The following DGKB variants were observed in gnomAD, a reference collection of about 807,000 sequenced individuals.
DGKB encodes the protein 90 kDa diacylglycerol kinase.
A neutral mutation model predicts 114.3 loss-of-function variants in DGKB; 67 were observed. That is an observed-to-expected ratio of 0.59 (90% CI 0.48 to 0.72). The LOEUF is 0.72. DGKB is among the 30% of genes least tolerant of loss of function. DGKB has a pLI of 0.00. For missense variants in DGKB, 907 were observed against 975.2 expected (o/e 0.93, Z 0.93); for synonymous variants, 398 against 323.1 (o/e 1.23, Z -2.49).
At chr7:14,180,772 CAGAG>C (rs1156378028) in intron 23 of DGKB, among the ~76,000 whole-genome samples, 4 of 152,162 alleles carry the variant, frequency 2.6e-5, no homozygotes, top group Non-Finnish European at 5.9e-5. Flanking sequence ...TGATTTCAGA[CAGAG>C]AGAGTTTCTA....
At chr7:14,636,629 A>G (rs1194877289) in intron 13 of DGKB, among the ~76,000 whole-genome samples, 2 of 151,972 alleles carry the variant, frequency 1.3e-5, no homozygotes, top group East Asian at 3.9e-4. Flanking sequence ...ATCTTTAAGA[A>G]TTGGGTAGGA....
intron 1 of DGKB, among the ~76,000 whole-genome samples, chr7:14,966,909 A>T (rs1787188220): frequency 6.6e-6 from 1 of 152,182 alleles, no homozygotes; most frequent in Admixed American, 6.6e-5. Flanking sequence ...ATAATGCAAG[A>T]TGCTTAATAT....
At chr7:14,711,128 A>G (rs925562790) in intron 6 of DGKB, among the ~76,000 whole-genome samples, 2 of 152,068 alleles carry the variant, frequency 1.3e-5, no homozygotes, top group Non-Finnish European at 2.9e-5. Flanking sequence ...TTGGTCTGAA[A>G]ATCCCTACTT....
chr7:14,201,311 TA>T (rs1785836966), intron 23 of DGKB, among the ~76,000 whole-genome samples: 1 of 151,884 alleles, frequency 6.6e-6, no homozygotes, highest in Non-Finnish European at 1.5e-5. Flanking sequence ...TAACATCACC[TA>T]GGGGTTAGAA....
chr7:14,954,789 A>G (rs1005844429), intron 1 of DGKB, among the ~76,000 whole-genome samples: 1 of 152,132 alleles, frequency 6.6e-6, no homozygotes, highest in African/African-American at 2.4e-5. Flanking sequence ...TATATAGCCA[A>G]GTGGAGATAA....
intron 1 of DGKB, among the ~76,000 whole-genome samples, chr7:14,910,901 A>T (rs1432670013): frequency 6.6e-6 from 1 of 152,150 alleles, no homozygotes; most frequent in Non-Finnish European, 1.5e-5. Flanking sequence ...TTAGCTTTAA[A>T]TGACCTGGGG....
rs945049778 is a variant in DGKB at position 14,361,779 on chromosome 7, G to A, written c.1836-16388C>T. On this transcript the variant is annotated intron_variant, in intron 21 of 25. Coordinates refer to ENST00000402815, the MANE Select transcript of DGKB (RefSeq NM_001350709.2). ...ATATAAACAGATAATAAATGGAGAC[G>A]AATTCCAATTGGGAATATTTTTACA... Among the ~76,000 whole-genome samples the A allele has an allele frequency of 4.6e-5, 7 of 151,812 alleles. No homozygotes were observed. In the East Asian group the frequency reaches 5.8e-4, roughly 13 times the overall value.
At chr7:14,909,339 G>A (rs1783867992) in intron 1 of DGKB, among the ~76,000 whole-genome samples, 1 of 152,022 alleles carries the variant, frequency 6.6e-6, no homozygotes, top group Non-Finnish European at 1.5e-5. Flanking sequence ...TGAAAGAGGG[G>A]TTGTTTTGTG....
At chr7:14,377,130 C>T (rs950134869) in intron 21 of DGKB, among the ~76,000 whole-genome samples, 4 of 152,168 alleles carry the variant, frequency 2.6e-5, no homozygotes, top group African/African-American at 7.2e-5. Flanking sequence ...CGTTTTGTGT[C>T]AGGATATTCT....
chr7:14,462,949 C>G (rs1444443625), intron 21 of DGKB, among the ~76,000 whole-genome samples: 1 of 152,096 alleles, frequency 6.6e-6, no homozygotes, highest in African/African-American at 2.4e-5. Flanking sequence ...ACATTTACAA[C>G]CATCTGATCT....
At chr7:14,479,393 T>G (rs1232528061) in intron 20 of DGKB, among the ~76,000 whole-genome samples, 1 of 152,110 alleles carries the variant, frequency 6.6e-6, no homozygotes, top group Non-Finnish European at 1.5e-5. Context: ...TAACTGTAAT[T>G]TTTTTTCTGT....
intron 13 of DGKB, among the ~76,000 whole-genome samples, chr7:14,637,837 T>A (rs1433509341): frequency 6.6e-6 from 1 of 151,926 alleles, no homozygotes; most frequent in Non-Finnish European, 1.5e-5. Context: ...TACAGTTGCC[T>A]GCTGAAAATA....
chr7:14,593,844 G>T (rs984808758), intron 17 of DGKB, among the ~76,000 whole-genome samples: 1 of 151,126 alleles, frequency 6.6e-6, no homozygotes, highest in African/African-American at 2.4e-5. Flanking sequence ...AACAACACAG[G>T]AGATTTGCAG....
intron 23 of DGKB, among the ~76,000 whole-genome samples, chr7:14,183,243 T>C (rs979430696): frequency 1.3e-5 from 2 of 152,036 alleles, no homozygotes; most frequent in African/African-American, 2.4e-5. Flanking sequence ...TTCACTAGAG[T>C]GAATAATTCA....
At chr7:14,177,960 T>G (rs1276405272) in intron 24 of DGKB, 71 bp downstream of exon 24, 1 of 1,433,502 alleles carries the variant, frequency 7.0e-7, no homozygotes, top group Non-Finnish European at 9.2e-7. Flanking sequence ...CTATCAGAGT[T>G]CTGCATACTT....
intron 23 of DGKB, among the ~76,000 whole-genome samples, chr7:14,225,526 T>C (rs1429187849): frequency 2.6e-5 from 4 of 152,110 alleles, no homozygotes; most frequent in Non-Finnish European, 5.9e-5. Flanking sequence ...GAGAAACTTT[T>C]ACTTTTTAAA....
At chr7:14,481,286 C>G (rs1034262133) in intron 20 of DGKB, among the ~76,000 whole-genome samples, 1 of 151,846 alleles carries the variant, frequency 6.6e-6, no homozygotes, top group African/African-American at 2.4e-5. Flanking sequence ...TGCCCTAAAT[C>G]TCCAAATTTG....
intron 25 of DGKB, among the ~76,000 whole-genome samples, chr7:14,164,337 C>A (rs939900889): frequency 6.6e-6 from 1 of 152,116 alleles, no homozygotes; most frequent in African/African-American, 2.4e-5. Context: ...TTGCTACAAT[C>A]GCTGTGCAAC....
intron 23 of DGKB, among the ~76,000 whole-genome samples, chr7:14,298,315 G>C (rs1802928446): frequency 6.6e-6 from 1 of 152,194 alleles, no homozygotes; most frequent in East Asian, 1.9e-4. Context: ...ATACTACAAG[G>C]CTACATTAAC....
Sources: allele counts gnomAD v4.1 joint callset (sites outside exome capture counted in the v4.1 genomes callset), GRCh38; gene constraint gnomAD v4.1.1; transcripts MANE v1.5; gene names NCBI Gene and HGNC (gene_info 2026-07-23, HGNC 2026-07-21).